Variants in KHDC1 observed in about 807,000 individuals in gnomAD.
KHDC1 encodes the protein KH domain containing 1.
A neutral mutation model predicts 24.7 loss-of-function variants in KHDC1; 21 were observed. That is an observed-to-expected ratio of 0.85 (90% CI 0.60 to 1.23). KHDC1 has a LOEUF of 1.23. KHDC1 is among the 50% of genes most tolerant of loss of function. KHDC1 has a pLI of 0.00. For synonymous variants in KHDC1, 98 were observed against 111.7 expected (o/e 0.88, Z 0.77); for missense variants, 274 against 298.5 (o/e 0.92, Z 0.61).
intron 1 of KHDC1, chr6:73,292,263 C>T: frequency 7.5e-7 from 1 of 1,334,812 alleles, no homozygotes; most frequent in Non-Finnish European, 1.1e-6. Flanking sequence ...CCAGAAACGA[C>T]AAGGCAAATG....
chr6:73,278,783 A>C (rs147634432), intron 2 of KHDC1, among the ~76,000 whole-genome samples: 36 of 152,348 alleles, frequency 2.4e-4, no homozygotes, highest in African/African-American at 7.2e-4. Context: ...CAGTACATAT[A>C]GAGTTCAGTT....
intron 2 of KHDC1, among the ~76,000 whole-genome samples, chr6:73,255,986 G>A (rs946027490): frequency 4.0e-5 from 6 of 151,656 alleles, no homozygotes; most frequent in African/African-American, 9.7e-5. Flanking sequence ...TGATTGTCGA[G>A]CCTGAAGTCT....
chr6:73,256,483 G>A lies in KHDC1; in HGVS notation c.207-13953C>T, dbSNP rs6933445. Among the ~76,000 whole-genome samples the A allele has an allele frequency of 2.0e-5, 3 of 152,328 alleles. No homozygotes were observed. The East Asian group carries it at 5.8e-4, about 29-fold the overall frequency. ...CAGGTTTAGACATAAGCCAGTCAGG[G>A]AGTCTGGCGTTACAAATGATATTTG... On this transcript the variant is annotated intron_variant, in intron 2 of 4. Transcript: ENST00000370384.
At chr6:73,263,039 GGGCGGCGGCGGC>G (rs544476875) in intron 2 of KHDC1, 44 of 965,794 alleles carry the variant, frequency 4.6e-5, no homozygotes, top group African/African-American at 3.3e-4. Flanking sequence ...TCCCTGAGTA[GGGCGGCGGCGGC>G]GGCGGCGGCG....
chr6:73,257,445 G>A (rs144121869), intron 2 of KHDC1, among the ~76,000 whole-genome samples: 286 of 152,264 alleles, frequency 1.9e-3, no homozygotes, highest in African/African-American at 6.5e-3. Context: ...TCACTCTTTC[G>A]CCAGACTGGA....
chr6:73,297,250 C>CT (rs1261897946), intron 1 of KHDC1, among the ~76,000 whole-genome samples: 2 of 151,884 alleles, frequency 1.3e-5, no homozygotes, highest in African/African-American at 4.8e-5. Context: ...CAGTTTGCAC[C>CT]TTTTTTTTCT....
At chr6:73,265,176 G>C (rs1767057646) in intron 2 of KHDC1, among the ~76,000 whole-genome samples, 1 of 152,130 alleles carries the variant, frequency 6.6e-6, no homozygotes, top group Non-Finnish European at 1.5e-5. Context: ...TTCTGCATAG[G>C]CCTTTGAGAT....
At chr6:73,265,664 A>G (rs1582564071) in intron 2 of KHDC1, among the ~76,000 whole-genome samples, 1 of 152,074 alleles carries the variant, frequency 6.6e-6, no homozygotes, top group Admixed American at 6.6e-5. Flanking sequence ...TGTCTTTAGC[A>G]TTTAAATCCT....
chr6:73,277,396 C>T (rs766737652), intron 2 of KHDC1, among the ~76,000 whole-genome samples: 9 of 151,808 alleles, frequency 5.9e-5, no homozygotes, highest in Non-Finnish European at 1.2e-4. Context: ...ACCCAGGAGG[C>T]AGAGGTTGCA....
chr6:73,268,836 AGGTGGAGG>A (rs1767125294), intron 2 of KHDC1: 4 of 153,218 alleles, frequency 2.6e-5, no homozygotes, highest in African/African-American at 9.6e-5. Context: ...CCAGGGCTGC[AGGTGGAGG>A]TGCCTGCCAG....
At chr6:73,283,319 T>G (rs916745040) in intron 2 of KHDC1, among the ~76,000 whole-genome samples, 5 of 150,634 alleles carry the variant, frequency 3.3e-5, no homozygotes, top group African/African-American at 1.2e-4. Flanking sequence ...TGGACTCAAG[T>G]GTTACTAGTT....
chr6:73,262,960 G>A (rs2150569106), intron 2 of KHDC1: 1 of 992,092 alleles, frequency 1.0e-6, no homozygotes, highest in Non-Finnish European at 1.2e-6. Flanking sequence ...GGGGGGTCAG[G>A]TAGCCAAGGC....
chr6:73,268,677 A>T (rs1450708647), intron 2 of KHDC1: 1 of 152,316 alleles, frequency 6.6e-6, no homozygotes, highest in Non-Finnish European at 1.5e-5. Context: ...GAGCAGCTAG[A>T]TACAGAGTGT....
intron 2 of KHDC1, among the ~76,000 whole-genome samples, chr6:73,264,369 T>C (rs987445435): frequency 4.6e-5 from 7 of 152,200 alleles, no homozygotes; most frequent in Admixed American, 6.5e-5. Flanking sequence ...ACTCCTCCAG[T>C]ATTCTTTTCA....
intron 2 of KHDC1, among the ~76,000 whole-genome samples, chr6:73,254,475 T>A (rs199784717): frequency 1.1e-5 from 1 of 92,954 alleles, no homozygotes; most frequent in African/African-American, 6.0e-5. Flanking sequence ...TAAAAATAAA[T>A]AAATAAATAA....
At chr6:73,305,174 G>T (rs1277522646) in intron 1 of KHDC1, among the ~76,000 whole-genome samples, 3 of 152,016 alleles carry the variant, frequency 2.0e-5, no homozygotes, top group South Asian at 2.1e-4. Flanking sequence ...GGAAGCAGAG[G>T]TTGCAGTGAG....
intron 2 of KHDC1, among the ~76,000 whole-genome samples, chr6:73,260,369 GTCC>G (rs1766957626): frequency 6.6e-6 from 1 of 152,078 alleles, no homozygotes; most frequent in South Asian, 2.1e-4. Context: ...TATCCTCAAT[GTCC>G]AGAATAATGC....
Position 73,245,821 on chromosome 6 carries a change from G to A in KHDC1, c.207-3291C>T, listed in dbSNP as rs12189610. On this transcript the variant is annotated intron_variant, in intron 2 of 4. Transcript: ENST00000370384. ...ATTCCTTAAGTCCAGAATAACAGTC[G>A]GGCAATTTTATCAGCAAAACCTTCG... 4.7e-3 allele frequency among the ~76,000 whole-genome samples: 716 copies of A among 152,130 alleles called. 2 individuals carry two copies. Among genetic ancestry groups the A allele is most frequent in the Non-Finnish European group, 7.9e-3 (536 of 68,000 alleles).
intron 2 of KHDC1, among the ~76,000 whole-genome samples, chr6:73,272,774 C>CT (rs1206547623): frequency 6.6e-6 from 1 of 150,752 alleles, no homozygotes; most frequent in African/African-American, 2.4e-5. Context: ...AGACTCCATC[C>CT]CGGGGGGGAA....
Sources: allele counts gnomAD v4.1 joint callset (sites outside exome capture counted in the v4.1 genomes callset), GRCh38; gene constraint gnomAD v4.1.1; transcripts MANE v1.5; gene names NCBI Gene and HGNC (gene_info 2026-07-23, HGNC 2026-07-21).